YEATS4: variants seen among roughly 807,000 people sequenced by gnomAD.
YEATS4 encodes YEATS domain containing 4.
In YEATS4, 17 loss-of-function variants were observed where a neutral mutation model predicts 30.1. The observed-to-expected ratio is 0.56, with a 90% CI of 0.39 to 0.85. The LOEUF (loss-of-function observed/expected upper bound fraction) is 0.85, where lower values mean the gene tolerates loss of function less well. YEATS4 is among the 40% of genes least tolerant of loss of function. The probability of loss-of-function intolerance (pLI) is 0.00; values close to 1 mark genes in which losing one functional copy is unlikely to be tolerated. For synonymous variants in YEATS4, 85 were observed against 87.5 expected (o/e 0.97, Z 0.16); for missense variants, 142 against 268.3 (o/e 0.53, Z 3.29).
At chr12:69,381,987 T>TA (rs1173326053) in intron 6 of YEATS4, among the ~76,000 whole-genome samples, 1 of 152,238 alleles carries the variant, frequency 6.6e-6, no homozygotes, top group African/African-American at 2.4e-5. Context: ...CCACCTGATC[T>TA]AACGCCTCAG....
chr12:69,379,377 TTTAA>T (rs1328596870), intron 6 of YEATS4, among the ~76,000 whole-genome samples: 2 of 151,978 alleles, frequency 1.3e-5, no homozygotes, highest in African/African-American at 4.8e-5. Flanking sequence ...CTATCTCCTC[TTTAA>T]TTAAGGTCAA....
At chr12:69,384,492 G>A (rs1405202134) in intron 6 of YEATS4, among the ~76,000 whole-genome samples, 1 of 152,186 alleles carries the variant, frequency 6.6e-6, no homozygotes, top group Non-Finnish European at 1.5e-5. Flanking sequence ...CAATAAGGAA[G>A]AAAAGTCTAA....
chr12:69,405,780 A>G, the YEATS4 span, among the ~76,000 whole-genome samples: 3 of 152,226 alleles, frequency 2.0e-5, no homozygotes, highest in African/African-American at 7.2e-5. Flanking sequence ...AAACTTTATG[A>G]AACTTTCTGG....
At chr12:69,413,889 G>A in the YEATS4 span, among the ~76,000 whole-genome samples, 1 of 151,116 alleles carries the variant, frequency 6.6e-6, no homozygotes, top group Admixed American at 6.6e-5. Flanking sequence ...AAACAGAAAA[G>A]GCATGAGGTA....
chr12:69,382,977 C>T (rs924716512), intron 6 of YEATS4, among the ~76,000 whole-genome samples: 6 of 152,084 alleles, frequency 3.9e-5, no homozygotes, highest in African/African-American at 7.2e-5. Flanking sequence ...ACAGCTTTGG[C>T]GGCCAGGTGT....
chr12:69,380,583 G>C (rs1420483642), intron 6 of YEATS4, among the ~76,000 whole-genome samples: 1 of 152,182 alleles, frequency 6.6e-6, no homozygotes, highest in Non-Finnish European at 1.5e-5. Context: ...TCTTGCCCAA[G>C]GCCCACTGTA....
the YEATS4 span, among the ~76,000 whole-genome samples, chr12:69,412,632 G>A: frequency 0.41 from 62,955 of 151,740 alleles, 14,171 homozygotes; most frequent in East Asian, 0.62. Context: ...CAGCCTGGGC[G>A]ATAGAGCAAG....
the YEATS4 span, among the ~76,000 whole-genome samples, chr12:69,401,528 A>G: frequency 6.6e-6 from 1 of 152,268 alleles, no homozygotes. Context: ...TGCTAGGTAG[A>G]CTGCTGCAGG....
chr12:69,364,160 T>C (rs1224485411), intron 2 of YEATS4: 2 of 447,660 alleles, frequency 4.5e-6, no homozygotes, highest in Admixed American at 4.8e-5. Flanking sequence ...TGAATATAAC[T>C]AAAAACCATT....
At position 69,390,137 on chromosome 12, in the gene YEATS4, T is replaced by C. The variant is rs772732231; in HGVS notation, c.515-10T>C. On this transcript the variant is annotated splice_polypyrimidine_tract_variant and intron_variant, in intron 6 of 6. Transcript: ENST00000247843. The stretch of plus-strand genomic sequence containing the variant: ...AAAAATACTTTAGTAAAAGTATTTG[T>C]TTTCTTTAGTTGCAGAGCTTGAAGT... 3.2e-6 allele frequency: 5 copies of C among 1,569,322 alleles called. No homozygotes were observed. The highest frequency in any genetic ancestry group is 2.6e-6 in the Non-Finnish European group (3 of 1,167,968).
intron 6 of YEATS4, among the ~76,000 whole-genome samples, chr12:69,383,143 A>T (rs1468183643): frequency 1.3e-5 from 2 of 152,182 alleles, no homozygotes; most frequent in African/African-American, 4.8e-5. Context: ...ACATTCCTGT[A>T]GTACCAGCTA....
intron 6 of YEATS4, among the ~76,000 whole-genome samples, chr12:69,374,694 G>A (rs1875775254): frequency 6.6e-6 from 1 of 150,670 alleles, no homozygotes. Context: ...CACGGGGTTG[G>A]GGGTAAGGTT....
In YEATS4 at chr12:69,371,618, A is replaced by G. The variant is rs575509939; in HGVS notation, c.514+643A>G. 7.2e-5 allele frequency among the ~76,000 whole-genome samples: 11 copies of G among 152,344 alleles called. 1 individual carries two copies. The South Asian group carries it at 2.3e-3, about 32-fold the overall frequency. ...TTTCTTTGATTATTCATTCATTACAATATATAGTGAGTACCAGTTAATGCC... is the reference window on the plus strand; with the variant it reads ...TTTCTTTGATTATTCATTCATTACAGTATATAGTGAGTACCAGTTAATGCC... On this transcript the variant is annotated intron_variant, in intron 6 of 6. Transcript: ENST00000247843.
chr12:69,386,800 T>C (rs998673128), intron 6 of YEATS4, among the ~76,000 whole-genome samples: 1 of 152,164 alleles, frequency 6.6e-6, no homozygotes, highest in Non-Finnish European at 1.5e-5. Context: ...AGAGGACACA[T>C]TCCAAGAACC....
At chr12:69,390,048 A>C (rs1868298534) in intron 6 of YEATS4, 99 bp from the exon 7 acceptor site, 1 of 983,464 alleles carries the variant, frequency 1.0e-6, no homozygotes, top group Admixed American at 3.6e-5. Flanking sequence ...ACATTTCATC[A>C]TGGAAACATT....
At chr12:69,393,026 A>G (rs1171139442), downstream of YEATS4, among the ~76,000 whole-genome samples, 1 of 152,222 alleles carries the variant, frequency 6.6e-6, no homozygotes, top group Admixed American at 6.5e-5. Context: ...ATGGAATACT[A>G]AAGCATAGAT....
the YEATS4 span, among the ~76,000 whole-genome samples, chr12:69,423,645 C>T: frequency 6.6e-6 from 1 of 152,140 alleles, no homozygotes. Flanking sequence ...CATAAATAGT[C>T]ATGGAACTTG....
At chr12:69,379,373 C>G (rs1875983690) in intron 6 of YEATS4, among the ~76,000 whole-genome samples, 1 of 151,902 alleles carries the variant, frequency 6.6e-6, no homozygotes. Context: ...CTCTCTATCT[C>G]CTCTTTAATT....
the YEATS4 span, among the ~76,000 whole-genome samples, chr12:69,424,932 A>AT: frequency 6.6e-6 from 1 of 151,990 alleles, no homozygotes; most frequent in Admixed American, 6.6e-5. Flanking sequence ...TTATTTATTT[A>AT]TTTTGAGACG....
Sources: gnomAD v4.1 joint callset for allele counts (sites outside exome capture counted in the v4.1 genomes callset) on GRCh38, gnomAD v4.1.1 for gene constraint, MANE v1.5 for transcripts, NCBI Gene and HGNC (gene_info 2026-07-23, HGNC 2026-07-21) for gene names.